Variants in XRN1 observed in about 807,000 individuals in gnomAD.
XRN1 encodes 5'-3' exoribonuclease 1, also known as strand-exchange protein 1 homolog.
XRN1 carries 67 observed loss-of-function variants against 222.3 expected under a neutral mutation model. That is an observed-to-expected ratio of 0.30 (90% CI 0.25 to 0.37). The LOEUF (loss-of-function observed/expected upper bound fraction) is 0.37. Among genes scored for constraint, XRN1 ranks in the 10% least tolerant of loss-of-function variants. The pLI is 1.00. For missense variants in XRN1, 1,707 were observed against 2,000.2 expected (o/e 0.85, Z 2.80); for synonymous variants, 643 against 652.4 (o/e 0.99, Z 0.22).
intron 15 of XRN1, chr3:142,407,690 A>G (rs990902096): frequency 6.6e-6 from 1 of 151,330 alleles, no homozygotes; most frequent in Non-Finnish European, 1.5e-5. Context: ...TTTGTATATC[A>G]TGCTTGCGCA....
intron 29 of XRN1, among the ~76,000 whole-genome samples, chr3:142,364,746 G>A (rs1181665094): frequency 6.6e-6 from 1 of 152,036 alleles, no homozygotes; most frequent in African/African-American, 2.4e-5. Flanking sequence ...TCAGTTTCAT[G>A]AAAACATATG....
chr3:142,425,408 T>C (rs1231614499), intron 4 of XRN1, 21 bp downstream of exon 4: 1 of 1,586,038 alleles, frequency 6.3e-7, no homozygotes, highest in African/African-American at 1.4e-5. Context: ...TTAAACTCTT[T>C]AAATAAAAAA....
At chr3:142,424,552 CTGG>C (rs1339862155) in intron 5 of XRN1, among the ~76,000 whole-genome samples, 1 of 152,012 alleles carries the variant, frequency 6.6e-6, no homozygotes, top group African/African-American at 2.4e-5. Flanking sequence ...ATAATACTAA[CTGG>C]TTATTTCTAT....
chr3:142,327,733 T>C (rs1281216976), intron 37 of XRN1, among the ~76,000 whole-genome samples: 1 of 152,168 alleles, frequency 6.6e-6, no homozygotes, highest in Non-Finnish European at 1.5e-5. Flanking sequence ...ATGGATTTAT[T>C]GCAGAGTGGT....
At chr3:142,370,109 T>C (rs1333173464) in intron 27 of XRN1, among the ~76,000 whole-genome samples, 1 of 151,838 alleles carries the variant, frequency 6.6e-6, no homozygotes, top group African/African-American at 2.4e-5. Context: ...TTATTAACCT[T>C]ATTCTCAAAC....
intron 35 of XRN1, chr3:142,332,752 C>G (rs1012755532): frequency 2.6e-6 from 2 of 757,642 alleles, no homozygotes; most frequent in Non-Finnish European, 3.9e-6. Context: ...TCCCAGTTAC[C>G]TAGTAGCAAT....
chr3:142,441,406 T>C (rs2070207872), intron 1 of XRN1, among the ~76,000 whole-genome samples: 1 of 152,222 alleles, frequency 6.6e-6, no homozygotes, highest in African/African-American at 2.4e-5. Flanking sequence ...AGTGTTAAGC[T>C]TGCCAATAGG....
At chr3:142,319,836 G>A (rs2065302197) in intron 37 of XRN1, among the ~76,000 whole-genome samples, 1 of 152,036 alleles carries the variant, frequency 6.6e-6, no homozygotes, top group African/African-American at 2.4e-5. Context: ...CAAGATACGT[G>A]ATTTCATTCT....
intron 32 of XRN1, among the ~76,000 whole-genome samples, chr3:142,347,601 CTT>C (rs879328678): frequency 4.1e-5 from 6 of 144,996 alleles, no homozygotes; most frequent in Non-Finnish European, 4.6e-5. Flanking sequence ...AAAAATGCTA[CTT>C]TTTTTTTTTT....
At position 142,384,275 on chromosome 3, in the gene XRN1, AAAAAAAAAAG is replaced by A. The variant is rs1174717916; in HGVS notation, c.2502+238_2502+247del. Among the ~76,000 whole-genome samples, 139 of 151,738 alleles carry A rather than the reference AAAAAAAAAAG, an allele frequency of 9.2e-4. 2 individuals carry two copies. The highest frequency in any genetic ancestry group is 3.2e-3 in the African/African-American group (131 of 41,358). On this transcript the variant is annotated intron_variant, in intron 21 of 40. Coordinates refer to ENST00000392981, the MANE Select transcript of XRN1 (RefSeq NM_001282857.2). ...CAACAGAGCGAGACTCTGTCTCAAA[AAAAAAAAAAG>A]AAAAAAAAAAAAGCATACGAAAGCA... is the stretch of plus-strand genomic sequence containing the variant.
Position 142,366,076 on chromosome 3 carries a change from G to A in XRN1, c.3205-710C>T, listed in dbSNP as rs576405158. Among the ~76,000 whole-genome samples the A allele has an allele frequency of 4.6e-5, 7 of 152,224 alleles. No homozygotes were observed. The East Asian group carries it at 1.3e-3, about 29-fold the overall frequency. ...CCTATCTTTGATACTTGCTAGTTCT[G>A]TGAACTCACACTTAACTACTTTAGG... On this transcript the variant is annotated intron_variant, in intron 27 of 40. Transcript: ENST00000392981.
At chr3:142,371,478 A>G in intron 25 of XRN1, 150 bp from the exon 26 acceptor site, 1 of 644,062 alleles carries the variant, frequency 1.6e-6, no homozygotes. Context: ...AAAGTGATAG[A>G]AAGTGTAAGA....
At chr3:142,362,667 C>T (rs932146198) in intron 29 of XRN1, among the ~76,000 whole-genome samples, 11 of 146,980 alleles carry the variant, frequency 7.5e-5, no homozygotes, top group East Asian at 4.1e-4. Flanking sequence ...CCTCCTGCTC[C>T]GGCCTTTTCT....
At chr3:142,402,109 T>C (rs1259470586) in intron 18 of XRN1, among the ~76,000 whole-genome samples, 1 of 152,226 alleles carries the variant, frequency 6.6e-6, no homozygotes, top group Non-Finnish European at 1.5e-5. Context: ...CAATTCTCTG[T>C]TGACAACTTG....
At chr3:142,327,269 T>G (rs988506572) in intron 37 of XRN1, among the ~76,000 whole-genome samples, 3 of 152,144 alleles carry the variant, frequency 2.0e-5, no homozygotes, top group African/African-American at 7.2e-5. Context: ...TTACTACCGC[T>G]TCCATCTTGT....
intron 20 of XRN1, among the ~76,000 whole-genome samples, chr3:142,392,738 G>C (rs1490711026): frequency 8.6e-5 from 13 of 151,814 alleles, no homozygotes; most frequent in African/African-American, 3.1e-4. Flanking sequence ...TGGACATTTG[G>C]GTTGGTTCCA....
chr3:142,402,568 A>C (rs1360331039), intron 18 of XRN1, among the ~76,000 whole-genome samples: 1 of 152,324 alleles, frequency 6.6e-6, no homozygotes, highest in East Asian at 1.9e-4. Flanking sequence ...AAGATGGTAC[A>C]TAACTCCTAC....
Position 142,385,117 on chromosome 3 carries a change from A to G in XRN1, c.2340-432T>C, listed in dbSNP as rs147237982. On this transcript the variant is annotated intron_variant, in intron 20 of 40. Transcript: ENST00000392981. ...ATTAACACATGACCCAACAATTCTA[A>G]GCATTCCAACCCCCCCGGATTGGAA... 1.5e-3 allele frequency among the ~76,000 whole-genome samples: 222 copies of G among 152,332 alleles called. 1 individual carries two copies. The highest frequency in any genetic ancestry group is 5.1e-3 in the African/African-American group (212 of 41,570).
At chr3:142,318,740 C>T (rs1487063825) in intron 38 of XRN1, 46 bp from the exon 39 acceptor site, 1 of 1,610,034 alleles carries the variant, frequency 6.2e-7, no homozygotes, top group Non-Finnish European at 8.5e-7. Flanking sequence ...TACAAGCTTT[C>T]TATAGGGACT....
Sources: allele counts gnomAD v4.1 joint callset (sites outside exome capture counted in the v4.1 genomes callset), GRCh38; gene constraint gnomAD v4.1.1; transcripts MANE v1.5; gene names NCBI Gene and HGNC (gene_info 2026-07-23, HGNC 2026-07-21).